The following CNTN5 variants were observed in gnomAD, a reference collection of about 807,000 sequenced individuals.
The protein encoded by CNTN5 is contactin-5.
A neutral mutation model predicts 129.1 loss-of-function variants in CNTN5; 77 were observed. The ratio of observed to expected loss-of-function variants is 0.60; its 90% CI spans 0.50 to 0.72. The LOEUF (loss-of-function observed/expected upper bound fraction) is 0.72. Among genes scored for constraint, CNTN5 ranks in the 30% least tolerant of loss-of-function variants. The pLI, the probability that CNTN5 is intolerant of heterozygous loss-of-function variation, is 0.00. For synonymous variants in CNTN5, 509 were observed against 465.6 expected (o/e 1.09, Z -1.20); for missense variants, 1,478 against 1,328.8 (o/e 1.11, Z -1.75).
intron 7 of CNTN5, among the ~76,000 whole-genome samples, chr11:99,930,796 A>C (rs58868137): frequency 2.1e-4 from 31 of 149,558 alleles, no homozygotes; most frequent in African/African-American, 6.2e-4. Context: ...CATACACACA[A>C]ACACACACAC....
chr11:99,025,928 C>G (rs1863089863), intron 1 of CNTN5, among the ~76,000 whole-genome samples: 1 of 151,572 alleles, frequency 6.6e-6, no homozygotes, highest in Non-Finnish European at 1.5e-5. Context: ...AACAACTATT[C>G]TAATTCACCT....
intron 9 of CNTN5, among the ~76,000 whole-genome samples, chr11:100,013,172 A>G (rs770573): frequency 0.18 from 27,906 of 151,986 alleles, 3,632 homozygotes; most frequent in African/African-American, 0.37. Flanking sequence ...GTAATAGTCA[A>G]TGGAGACTCA....
At chr11:100,243,883 T>G (rs1010303419) in intron 16 of CNTN5, among the ~76,000 whole-genome samples, 17 of 152,192 alleles carry the variant, frequency 1.1e-4, no homozygotes. Flanking sequence ...TCAGAATGTA[T>G]TTCAATAAAA....
chr11:99,290,536 C>T (rs185955974), intron 1 of CNTN5, among the ~76,000 whole-genome samples: 2 of 151,934 alleles, frequency 1.3e-5, no homozygotes, highest in African/African-American at 4.8e-5. Context: ...TTTCATTCTA[C>T]ATTTACTACA....
intron 2 of CNTN5, among the ~76,000 whole-genome samples, chr11:99,380,768 C>CAAAAAAAAAAAAAAAAA (rs769229566): frequency 2.0e-5 from 2 of 102,460 alleles, no homozygotes; most frequent in Non-Finnish European, 3.6e-5. Context: ...AACTCTATCT[C>CAAAAAAAAAAAAAAAAA]AAAAAAAAAA....
chr11:99,968,656 C>CTTTTTTT (rs71050037), intron 8 of CNTN5, among the ~76,000 whole-genome samples: 2 of 73,870 alleles, frequency 2.7e-5, no homozygotes, highest in Admixed American at 2.2e-4. Flanking sequence ...GCTTTGGGTA[C>CTTTTTTT]TTTTTTTTTT....
chr11:99,414,390 A>G (rs1407701446), intron 2 of CNTN5, among the ~76,000 whole-genome samples: 1 of 152,250 alleles, frequency 6.6e-6, no homozygotes, highest in East Asian at 1.9e-4. Context: ...GTGCCTGCTG[A>G]GTGCCAGAAA....
chr11:99,483,009 A>T (rs2656151), intron 2 of CNTN5, among the ~76,000 whole-genome samples: 33,548 of 151,662 alleles, frequency 0.22, 3,972 homozygotes, highest in Middle Eastern at 0.34. Context: ...GCCTGTCTCT[A>T]CTAAAAATAC....
At chr11:99,965,560 G>T (rs1356114659) in intron 8 of CNTN5, among the ~76,000 whole-genome samples, 1 of 152,160 alleles carries the variant, frequency 6.6e-6, no homozygotes, top group Non-Finnish European at 1.5e-5. Context: ...TGCATTTGCT[G>T]AGGAGTGCTT....
intron 6 of CNTN5, among the ~76,000 whole-genome samples, chr11:99,856,377 A>C (rs1398940838): frequency 1.3e-5 from 2 of 152,254 alleles, no homozygotes; most frequent in East Asian, 3.9e-4. Context: ...GATTAGATAC[A>C]CCTTATCTTT....
chr11:99,711,997 A>T (rs1955011392), intron 3 of CNTN5, among the ~76,000 whole-genome samples: 2 of 152,130 alleles, frequency 1.3e-5, no homozygotes, highest in Admixed American at 1.3e-4. Flanking sequence ...GTATATACCC[A>T]GTAATATAAT....
intron 10 of CNTN5, 81 bp downstream of exon 10, chr11:100,061,474 T>A (rs1943480722): frequency 9.5e-7 from 1 of 1,057,490 alleles, no homozygotes; most frequent in Non-Finnish European, 1.3e-6. Flanking sequence ...CTAAATATTG[T>A]TTGTTAGGTA....
intron 3 of CNTN5, among the ~76,000 whole-genome samples, chr11:99,717,538 G>T (rs1028232321): frequency 1.3e-5 from 2 of 152,022 alleles, no homozygotes; most frequent in Non-Finnish European, 2.9e-5. Flanking sequence ...GCATGTGTGT[G>T]TGTTTGTTCA....
In CNTN5 at chr11:99,819,663, T is replaced by A. The variant is rs748932737; in HGVS notation, c.175T>A (p.Leu59Ile). 5 of 1,612,980 alleles carry A rather than the reference T, an allele frequency of 3.1e-6. No homozygotes were observed. The South Asian group carries it at 5.5e-5, about 18-fold the overall frequency. ...KTRPRYSSPSLGTLSASSPSW... is the reference protein window; with the variant it reads ...KTRPRYSSPSIGTLSASSPSW... ...CAGACCACGATACAGCAGCCCTTCA[T>A]TAGGAACACTGAGTGCTTCTTCACC... Residue 59 changes from leucine (L) to isoleucine (I), a missense_variant, in exon 4 of 25, where the codon TTA becomes ATA. Transcript: ENST00000524871.
At chr11:100,115,115 TAAAAAAAAAAAAAA>T (rs11388029) in intron 13 of CNTN5, among the ~76,000 whole-genome samples, 3 of 78,408 alleles carry the variant, frequency 3.8e-5, no homozygotes, top group African/African-American at 1.5e-4. Context: ...AGGTATACAG[TAAAAAAAAAAAAAA>T]AAAAAAAAAA....
In CNTN5 at chr11:99,425,348, G is replaced by A. The variant is rs547850161; in HGVS notation, c.-71+99864G>A. On this transcript the variant is annotated intron_variant, in intron 2 of 24. Coordinates refer to ENST00000524871, the MANE Select transcript of CNTN5 (RefSeq NM_014361.4). The stretch of plus-strand genomic sequence containing the variant: ...GGTAGGGTTTCACTGAGGACCCTCC[G>A]CTTTCCTTCCAGGAACCTGTCTGTC... Among the ~76,000 whole-genome samples the A allele has an allele frequency of 1.1e-4, 17 of 152,342 alleles. No individual in the cohort carries two copies. In the South Asian group the frequency reaches 1.2e-3, roughly 11 times the overall value.
chr11:99,500,192 A>T (rs1371203082), intron 2 of CNTN5, among the ~76,000 whole-genome samples: 1 of 152,222 alleles, frequency 6.6e-6, no homozygotes, highest in African/African-American at 2.4e-5. Flanking sequence ...GATTTTTGCC[A>T]CTGAAAGTAT....
At chr11:99,876,872 T>A (rs1267065986) in intron 6 of CNTN5, among the ~76,000 whole-genome samples, 1 of 152,224 alleles carries the variant, frequency 6.6e-6, no homozygotes, top group South Asian at 2.1e-4. Context: ...TACTAAATGA[T>A]AAATTTCATT....
chr11:99,725,940 C>G (rs145036935), intron 3 of CNTN5, among the ~76,000 whole-genome samples: 1 of 152,154 alleles, frequency 6.6e-6, no homozygotes, highest in African/African-American at 2.4e-5. Context: ...TTTAAAGATA[C>G]AAGCTACTTC....
Sources: gnomAD v4.1 joint callset for allele counts (sites outside exome capture counted in the v4.1 genomes callset) on GRCh38, gnomAD v4.1.1 for gene constraint, MANE v1.5 for transcripts, NCBI Gene and HGNC (gene_info 2026-07-23, HGNC 2026-07-21) for gene names.